Variants in TSPAN18 observed in about 807,000 individuals in gnomAD.
TSPAN18 encodes tetraspanin 18.
A neutral mutation model predicts 27.3 loss-of-function variants in TSPAN18; 14 were observed. That is an observed-to-expected ratio of 0.51 (90% CI 0.34 to 0.80). The LOEUF is 0.80. Among genes scored for constraint, TSPAN18 ranks in the 30% least tolerant of loss-of-function variants. TSPAN18 has a pLI of 0.01. For synonymous variants in TSPAN18, 143 were observed against 136.5 expected, an observed-to-expected ratio of 1.05 and a Z score of -0.33; for missense variants, 268 against 323.9, an observed-to-expected ratio of 0.83 and a Z score of 1.32.
At chr11:44,911,045 C>T (rs1859692725) in intron 5 of TSPAN18, among the ~76,000 whole-genome samples, 3 of 152,306 alleles carry the variant, frequency 2.0e-5, no homozygotes, top group South Asian at 2.1e-4. Flanking sequence ...TTGGGGCCTC[C>T]GCCTGCTTTC....
At chr11:44,761,810 T>C (rs1026436795) in intron 1 of TSPAN18, among the ~76,000 whole-genome samples, 1 of 152,230 alleles carries the variant, frequency 6.6e-6, no homozygotes, top group Non-Finnish European at 1.5e-5. Flanking sequence ...TTATCAGTTC[T>C]GAGCCAATAA....
intron 3 of TSPAN18, among the ~76,000 whole-genome samples, chr11:44,868,373 C>G (rs945660515): frequency 6.6e-6 from 1 of 152,188 alleles, no homozygotes; most frequent in Non-Finnish European, 1.5e-5. Context: ...CCAGGACATG[C>G]AAGAGCTGAG....
intron 2 of TSPAN18, among the ~76,000 whole-genome samples, chr11:44,835,839 T>G (rs761703435): frequency 1.3e-5 from 2 of 152,236 alleles, no homozygotes; most frequent in Non-Finnish European, 2.9e-5. Context: ...CTTTTCATTA[T>G]TAATATGTCT....
At chr11:44,751,399 A>G (rs1202253855) in intron 1 of TSPAN18, among the ~76,000 whole-genome samples, 1 of 151,912 alleles carries the variant, frequency 6.6e-6, no homozygotes, top group African/African-American at 2.4e-5. Context: ...TGAATCTGTG[A>G]TCTTTGGCTA....
chr11:44,776,454 G>A (rs968604041), intron 2 of TSPAN18, among the ~76,000 whole-genome samples: 1 of 152,178 alleles, frequency 6.6e-6, no homozygotes, highest in Non-Finnish European at 1.5e-5. Context: ...TCCCTACAGA[G>A]CTACTGCTGG....
At chr11:44,762,970 G>A (rs1317532987) in intron 1 of TSPAN18, among the ~76,000 whole-genome samples, 1 of 152,138 alleles carries the variant, frequency 6.6e-6, no homozygotes, top group Non-Finnish European at 1.5e-5. Flanking sequence ...CCCTCCCACT[G>A]TGGAGATGGC....
chr11:44,749,928 A>G (rs1423032496), intron 1 of TSPAN18, among the ~76,000 whole-genome samples: 1 of 152,118 alleles, frequency 6.6e-6, no homozygotes, highest in East Asian at 1.9e-4. Flanking sequence ...GAGCCACTGC[A>G]CCCGGCTCCA....
rs75114870 is a variant in TSPAN18 at position 44,841,036 on chromosome 11, A to AC, written c.-152-19286dup. On this transcript the variant is annotated intron_variant, in intron 2 of 9. Transcript: ENST00000520358. ...TCCCTTGGGGAACTCTTGCATCAGC[A>AC]CCCCCCAGGGCAGCAGGAGCCCTGG... is the stretch of plus-strand genomic sequence containing the variant. Among the ~76,000 whole-genome samples, 361 of 152,002 alleles carry AC rather than the reference A, an allele frequency of 2.4e-3. 4 individuals are homozygous for AC. Among genetic ancestry groups the AC allele is most frequent in the East Asian group, 0.018 (94 of 5,174 alleles).
chr11:44,918,866 T>C (rs748679710), intron 6 of TSPAN18, among the ~76,000 whole-genome samples: 2 of 151,750 alleles, frequency 1.3e-5, no homozygotes, highest in Non-Finnish European at 2.9e-5. Context: ...GGCATCTGCT[T>C]GGCTCTGTCT....
intron 2 of TSPAN18, among the ~76,000 whole-genome samples, chr11:44,822,065 C>T (rs1245023996): frequency 2.0e-5 from 3 of 152,160 alleles, no homozygotes; most frequent in Non-Finnish European, 2.9e-5. Context: ...CCAATTCCTT[C>T]GAGAGGCCTG....
At chr11:44,891,417 G>A (rs1268651121) in intron 3 of TSPAN18, among the ~76,000 whole-genome samples, 2 of 152,146 alleles carry the variant, frequency 1.3e-5, no homozygotes, top group Admixed American at 6.5e-5. Context: ...ACAGGTCAGC[G>A]GAGAGTGGAC....
chr11:44,726,885 T>TGGGGAGGGGGGGGGAGGGAGGGCG (rs1854516667), upstream of TSPAN18: 9 of 43,752 alleles, frequency 2.1e-4, no homozygotes, highest in Admixed American at 9.9e-4. Context: ...GGCGGAGGTT[T>TGGGGAGGGGGGGGGAGGGAGGGCG]GGGGAGGGGG....
chr11:44,925,572 G>A (rs1400018137), intron 8 of TSPAN18: 2 of 152,214 alleles, frequency 1.3e-5, no homozygotes, highest in African/African-American at 2.4e-5. Context: ...CAAAGGGGCT[G>A]GGCTTCTGCA....
intron 9 of TSPAN18, 55 bp from the exon 10 acceptor site, chr11:44,929,076 C>T: frequency 6.2e-7 from 1 of 1,608,836 alleles, no homozygotes. Flanking sequence ...GGCCAGGCAG[C>T]CCACAAAGGG....
intron 3 of TSPAN18, among the ~76,000 whole-genome samples, chr11:44,878,998 A>ACGCGAC (rs1319042005): frequency 6.6e-6 from 1 of 152,222 alleles, no homozygotes; most frequent in East Asian, 1.9e-4. Flanking sequence ...CTTCACAGCC[A>ACGCGAC]CGCGACCTGC....
At chr11:44,784,023 G>A (rs1478586234) in intron 2 of TSPAN18, among the ~76,000 whole-genome samples, 4 of 152,228 alleles carry the variant, frequency 2.6e-5, no homozygotes, top group African/African-American at 9.6e-5. Flanking sequence ...TTTGTTGGCT[G>A]AGGGAGAGAT....
At chr11:44,741,447 ATGTG>A (rs58865710) in intron 1 of TSPAN18, among the ~76,000 whole-genome samples, 61 of 147,452 alleles carry the variant, frequency 4.1e-4, no homozygotes, top group African/African-American at 6.2e-4. Flanking sequence ...TCAGACATGT[ATGTG>A]TGTGTGTGTG....
chr11:44,794,974 G>C (rs539879757), intron 2 of TSPAN18, among the ~76,000 whole-genome samples: 4 of 152,170 alleles, frequency 2.6e-5, no homozygotes, highest in African/African-American at 9.7e-5. Flanking sequence ...ATGCCAGCTT[G>C]GTTGAAGCAT....
At chr11:44,797,628 C>T (rs1856380043) in intron 2 of TSPAN18, among the ~76,000 whole-genome samples, 1 of 152,156 alleles carries the variant, frequency 6.6e-6, no homozygotes, top group Admixed American at 6.5e-5. Flanking sequence ...CTCAAAGATT[C>T]TTAAGGACCA....
Sources: gnomAD v4.1 joint callset for allele counts (sites outside exome capture counted in the v4.1 genomes callset) on GRCh38, gnomAD v4.1.1 for gene constraint, MANE v1.5 for transcripts, NCBI Gene and HGNC (gene_info 2026-07-23, HGNC 2026-07-21) for gene names.